UAP1: variants seen among roughly 807,000 people sequenced by gnomAD.
The protein encoded by UAP1 is UDP-N-acetylhexosamine pyrophosphorylase.
In UAP1, 25 loss-of-function variants were observed where a neutral mutation model predicts 58.5. The observed-to-expected ratio is 0.43, with a 90% CI of 0.31 to 0.60. UAP1 has a LOEUF of 0.60. Among genes scored for constraint, UAP1 ranks in the 20% least tolerant of loss-of-function variants. UAP1 has a pLI of 0.11. For synonymous variants in UAP1, 208 were observed against 213.0 expected (o/e 0.98, Z 0.21); for missense variants, 575 against 630.0 (o/e 0.91, Z 0.93).
At chr1:162,566,681 C>T (rs181865969) in intron 2 of UAP1, among the ~76,000 whole-genome samples, 1 of 151,730 alleles carries the variant, frequency 6.6e-6, no homozygotes, top group Non-Finnish European at 1.5e-5. Context: ...GGCTGGAGTG[C>T]AGTGGGGCGA....
intron 4 of UAP1, 118 bp from the exon 5 acceptor site, chr1:162,581,169 T>C (rs1654563783): frequency 8.7e-7 from 1 of 1,143,600 alleles, no homozygotes; most frequent in East Asian, 2.4e-5. Context: ...TTCAGTTTTC[T>C]TGCCTTTGTA....
intron 5 of UAP1, among the ~76,000 whole-genome samples, chr1:162,586,571 G>A (rs1055598925): frequency 4.6e-5 from 7 of 151,974 alleles, no homozygotes; most frequent in African/African-American, 9.7e-5. Flanking sequence ...TTGTTTCTTC[G>A]GTTGGATATT....
At chr1:162,562,422 G>C (rs1262742718) in intron 1 of UAP1, 1 of 151,822 alleles carries the variant, frequency 6.6e-6, no homozygotes, top group African/African-American at 2.4e-5. Context: ...CATGATACTG[G>C]TAGTGAGAGA....
At chr1:162,591,102 T>G (rs1041040808) in intron 8 of UAP1, among the ~76,000 whole-genome samples, 22 of 152,116 alleles carry the variant, frequency 1.4e-4, no homozygotes, top group African/African-American at 5.1e-4. Flanking sequence ...AATTTTTATA[T>G]TTTTAGTAGA....
chr1:162,571,055 A>G lies in UAP1; in HGVS notation c.280+4707A>G, dbSNP rs377527795. 8.6e-5 allele frequency among the ~76,000 whole-genome samples: 13 copies of G among 150,526 alleles called. No individual in the cohort carries two copies. In the East Asian group the frequency reaches 1.8e-3, roughly 20 times the overall value. ...ACAATGCATGACTCTCCAAGGAGAG[A>G]GATACTCCAGCCCTAGAAATGTGTC... On this transcript the variant is annotated intron_variant, in intron 2 of 10. Coordinates refer to ENST00000271469, the Ensembl canonical transcript of UAP1.
intron 9 of UAP1, among the ~76,000 whole-genome samples, chr1:162,595,361 T>C (rs1316644831): frequency 2.6e-5 from 4 of 152,158 alleles, no homozygotes; most frequent in Non-Finnish European, 5.9e-5. Flanking sequence ...GGGGTTTAGG[T>C]GGGACTGGGC....
chr1:162,574,017 A>G (rs16863509), intron 2 of UAP1, among the ~76,000 whole-genome samples: 2,779 of 151,928 alleles, frequency 0.018, 75 homozygotes, highest in African/African-American at 0.062. Flanking sequence ...TTCTTGGACT[A>G]TACTTACTAA....
At chr1:162,576,748 T>A in intron 2 of UAP1, 29 bp from the exon 3 acceptor site, 1 of 1,598,196 alleles carries the variant, frequency 6.3e-7, no homozygotes, top group Non-Finnish European at 8.6e-7. Flanking sequence ...ATTGTAGAGG[T>A]TTTGTGATAC....
intron 1 of UAP1, among the ~76,000 whole-genome samples, chr1:162,565,420 G>T (rs1258877906): frequency 1.3e-5 from 2 of 152,172 alleles, no homozygotes; most frequent in African/African-American, 4.8e-5. Flanking sequence ...TTTTTAATGA[G>T]TAGAGAAAAT....
chr1:162,565,704 A>G (rs1390785416), intron 1 of UAP1, among the ~76,000 whole-genome samples: 1 of 152,154 alleles, frequency 6.6e-6, no homozygotes, highest in Non-Finnish European at 1.5e-5. Context: ...TTCCTGTCCC[A>G]GCTCCACTCA....
downstream of UAP1, among the ~76,000 whole-genome samples, chr1:162,600,057 C>T (rs779070014): frequency 6.6e-6 from 1 of 152,164 alleles, no homozygotes; most frequent in Non-Finnish European, 1.5e-5. Context: ...GGGCATTTGG[C>T]AATGTCTGGA....
At chr1:162,575,787 G>A (rs1033023525) in intron 2 of UAP1, among the ~76,000 whole-genome samples, 5 of 150,954 alleles carry the variant, frequency 3.3e-5, no homozygotes, top group African/African-American at 7.3e-5. Context: ...TGCAACCTCC[G>A]CCTTCTGGGT....
intron 1 of UAP1, among the ~76,000 whole-genome samples, 158 bp from the exon 2 acceptor site, chr1:162,565,854 G>A (rs796525324): frequency 2.6e-5 from 4 of 152,310 alleles, no homozygotes; most frequent in African/African-American, 9.6e-5. Context: ...ACATATTATT[G>A]TCTTACAGGT....
At chr1:162,587,337 T>C (rs1654955585) in intron 5 of UAP1, 138 bp from the exon 6 acceptor site, 1 of 727,492 alleles carries the variant, frequency 1.4e-6, no homozygotes, top group African/African-American at 1.8e-5. Context: ...GATAGTTGAT[T>C]GTCTAAAGTT....
chr1:162,586,859 A>G (rs1323020141), intron 5 of UAP1, among the ~76,000 whole-genome samples: 1 of 152,234 alleles, frequency 6.6e-6, no homozygotes, highest in Non-Finnish European at 1.5e-5. Flanking sequence ...TTCAAACAAA[A>G]TTGAGTATAC....
At chr1:162,592,996 T>C in intron 9 of UAP1, 2 of 552,212 alleles carry the variant, frequency 3.6e-6, no homozygotes, top group Non-Finnish European at 6.5e-6. Context: ...GAGCATGCTT[T>C]ACTAAAGAAT....
At chr1:162,592,651 C>A in intron 8 of UAP1, 81 bp from the exon 9 acceptor site, 1 of 1,026,110 alleles carries the variant, frequency 9.7e-7, no homozygotes. Flanking sequence ...ACCATTCAAT[C>A]AAGTATATTT....
At chr1:162,566,034 C>T (rs1196208700) in exon 2 of UAP1, 3 of 1,594,874 alleles carry the variant, frequency 1.9e-6, no homozygotes, top group Non-Finnish European at 8.5e-7. Flanking sequence ...ATACATTACA[C>T]CCCTATTTCT....
intron 5 of UAP1, 30 bp from the exon 6 acceptor site, chr1:162,587,445 C>G (rs1269877284): frequency 6.5e-7 from 1 of 1,549,746 alleles, no homozygotes; most frequent in Non-Finnish European, 8.8e-7. Flanking sequence ...AATTCAATTT[C>G]CTCCTCTACT....
Sources: gnomAD v4.1 joint callset for allele counts (sites outside exome capture counted in the v4.1 genomes callset) on GRCh38, gnomAD v4.1.1 for gene constraint, MANE v1.5 for transcripts, NCBI Gene and HGNC (gene_info 2026-07-23, HGNC 2026-07-21) for gene names.